The following TUSC3 variants were observed in gnomAD, a reference collection of about 807,000 sequenced individuals.
TUSC3 encodes tumor suppressor candidate 3, also known as dolichyl-diphosphooligosaccharide--protein glycosyltransferase subunit TUSC3.
TUSC3 carries 45 observed loss-of-function variants against 44.8 expected under a neutral mutation model. That is an observed-to-expected ratio of 1.00 (90% CI 0.79 to 1.29). The LOEUF is 1.29. TUSC3 is among the 50% of genes most tolerant of loss of function. The pLI is 0.00. For synonymous variants in TUSC3, 212 were observed against 152.9 expected (o/e 1.39, Z -2.85); for missense variants, 519 against 437.9 (o/e 1.19, Z -1.65).
At chr8:15,582,169 G>A (rs1016718488) in intron 1 of TUSC3, among the ~76,000 whole-genome samples, 26 of 152,152 alleles carry the variant, frequency 1.7e-4, no homozygotes, top group Non-Finnish European at 1.8e-4. Flanking sequence ...GCTTCGGCTC[G>A]CGCATGGTGC....
intron 1 of TUSC3, among the ~76,000 whole-genome samples, chr8:15,445,581 C>G (rs561792804): frequency 1.8e-4 from 27 of 152,168 alleles, no homozygotes; most frequent in African/African-American, 6.5e-4. Context: ...CGCCCTTAAT[C>G]CATTTAACCC....
At chr8:15,677,530 T>C (rs1282940207) in intron 6 of TUSC3, among the ~76,000 whole-genome samples, 2 of 152,238 alleles carry the variant, frequency 1.3e-5, no homozygotes, top group South Asian at 2.1e-4. Context: ...AAGTTACTTA[T>C]TCTCTCTGTT....
intron 5 of TUSC3, among the ~76,000 whole-genome samples, chr8:15,672,664 T>C (rs905021392): frequency 6.6e-6 from 1 of 152,122 alleles, no homozygotes; most frequent in Non-Finnish European, 1.5e-5. Flanking sequence ...TGTTTGTGAA[T>C]ATCTTAGTTG....
intron 2 of TUSC3, among the ~76,000 whole-genome samples, chr8:15,530,552 G>A (rs1746384338): frequency 6.6e-6 from 1 of 152,164 alleles, no homozygotes; most frequent in Admixed American, 6.5e-5. Context: ...CACACAGCTA[G>A]TAAGAGACAG....
intron 1 of TUSC3, among the ~76,000 whole-genome samples, chr8:15,421,962 C>A (rs1799743488): frequency 6.6e-6 from 1 of 152,066 alleles, no homozygotes. Flanking sequence ...TCTCTAGGAG[C>A]CAGTGTCTTC....
At chr8:15,692,362 C>A (rs1454688139) in intron 6 of TUSC3, among the ~76,000 whole-genome samples, 2 of 108,042 alleles carry the variant, frequency 1.9e-5, no homozygotes, top group African/African-American at 4.0e-5. Flanking sequence ...AGGAGACCCC[C>A]CCCCCCCCCT....
chr8:15,608,392 T>G (rs1297397374), intron 1 of TUSC3, among the ~76,000 whole-genome samples: 2 of 152,200 alleles, frequency 1.3e-5, no homozygotes, highest in Admixed American at 1.3e-4. Flanking sequence ...AGGGATAAAT[T>G]GAACAATAGT....
intron 5 of TUSC3, among the ~76,000 whole-genome samples, chr8:15,663,238 T>G (rs1240291602): frequency 6.6e-6 from 1 of 151,798 alleles, no homozygotes; most frequent in African/African-American, 2.4e-5. Context: ...TAGATACATA[T>G]ACATATATCT....
chr8:15,692,929 G>T (rs529707053), intron 6 of TUSC3, among the ~76,000 whole-genome samples: 1 of 152,094 alleles, frequency 6.6e-6, no homozygotes, highest in South Asian at 2.1e-4. Flanking sequence ...TGTCTTTCTT[G>T]ATCTTTGTTG....
At chr8:15,583,686 C>G (rs796367851) in intron 1 of TUSC3, among the ~76,000 whole-genome samples, 2 of 152,228 alleles carry the variant, frequency 1.3e-5, no homozygotes, top group Middle Eastern at 3.4e-3. Flanking sequence ...GAAGTGTTCA[C>G]CTTTAGTGCT....
At position 15,751,092 on chromosome 8, in the gene TUSC3, GC is replaced by G. The variant is rs556125743; in HGVS notation, c.1028+2628del. Among the ~76,000 whole-genome samples the G allele has an allele frequency of 1.8e-4, 28 of 152,206 alleles. No homozygotes were observed. The East Asian group carries it at 4.8e-3, about 26-fold the overall frequency. ...TTCACAGTGCTCCATCATCTCCTGT[GC>G]TATTGTGTGGGTTTACGAGATTGAC... On this transcript the variant is annotated intron_variant, in intron 9 of 10. Coordinates refer to ENST00000503731, the MANE Select transcript of TUSC3 (RefSeq NM_006765.4).
chr8:15,830,489 G>T, the TUSC3 span, among the ~76,000 whole-genome samples: 1 of 152,104 alleles, frequency 6.6e-6, no homozygotes, highest in East Asian at 1.9e-4. Context: ...ATTCACAGTA[G>T]CAAGGTCATG....
chr8:15,672,942 T>C (rs1447303877), intron 5 of TUSC3, among the ~76,000 whole-genome samples: 3 of 152,076 alleles, frequency 2.0e-5, no homozygotes, highest in Non-Finnish European at 2.9e-5. Context: ...GGGCAAGTTA[T>C]AGGATAGCAG....
At chr8:15,789,316 C>T in the TUSC3 span, among the ~76,000 whole-genome samples, 5 of 152,288 alleles carry the variant, frequency 3.3e-5, no homozygotes, top group African/African-American at 4.8e-5. Flanking sequence ...TGATCAAGAG[C>T]AGCCAAGCCT....
chr8:15,443,137 AT>A, intron 1 of TUSC3, among the ~76,000 whole-genome samples: 1 of 151,792 alleles, frequency 6.6e-6, no homozygotes, highest in South Asian at 2.1e-4. Context: ...AAAATCTGAC[AT>A]TTTTTTCTTT....
intron 1 of TUSC3, among the ~76,000 whole-genome samples, chr8:15,616,492 G>A (rs1489353490): frequency 4.6e-5 from 7 of 152,212 alleles, no homozygotes; most frequent in Admixed American, 1.3e-4. Context: ...CTGGAGAATC[G>A]TTTGAACCTG....
the TUSC3 span, among the ~76,000 whole-genome samples, chr8:15,826,317 T>A: frequency 6.6e-6 from 1 of 152,314 alleles, no homozygotes; most frequent in Non-Finnish European, 1.5e-5. Flanking sequence ...ACTATAATCA[T>A]CCTTCATCTT....
the TUSC3 span, among the ~76,000 whole-genome samples, chr8:15,804,012 G>A: frequency 1.8e-4 from 28 of 152,068 alleles, no homozygotes; most frequent in Admixed American, 9.8e-4. Context: ...ATAAACATAC[G>A]TGTGCATGTG....
intron 1 of TUSC3, among the ~76,000 whole-genome samples, chr8:15,574,753 A>G (rs1286515907): frequency 1.3e-5 from 2 of 152,290 alleles, no homozygotes; most frequent in Admixed American, 1.3e-4. Flanking sequence ...CTACAGAGAA[A>G]TGGATCAATG....
Sources: gnomAD v4.1 joint callset for allele counts (sites outside exome capture counted in the v4.1 genomes callset) on GRCh38, gnomAD v4.1.1 for gene constraint, MANE v1.5 for transcripts, NCBI Gene and HGNC (gene_info 2026-07-23, HGNC 2026-07-21) for gene names.